The following FBXO34 variants were observed in gnomAD, a reference collection of about 807,000 sequenced individuals.
FBXO34 encodes the protein F-box protein 34.
A neutral mutation model predicts 24.5 loss-of-function variants in FBXO34; 12 were observed. The ratio of observed to expected loss-of-function variants is 0.49; its 90% CI spans 0.31 to 0.79. FBXO34 has a LOEUF of 0.79. FBXO34 is among the 30% of genes least tolerant of loss of function. The pLI is 0.04. For synonymous variants in FBXO34, 320 were observed against 311.9 expected (o/e 1.03, Z -0.27); for missense variants, 823 against 857.7 (o/e 0.96, Z 0.51).
At chr14:55,392,981 C>G in the FBXO34 span, among the ~76,000 whole-genome samples, 1 of 152,120 alleles carries the variant, frequency 6.6e-6, no homozygotes, top group Non-Finnish European at 1.5e-5. Context: ...GATAGAAAAA[C>G]TAGAAACATT....
At chr14:55,298,946 C>G (rs1882241986) in intron 1 of FBXO34, 4 of 1,583,284 alleles carry the variant, frequency 2.5e-6, no homozygotes, top group Non-Finnish European at 3.5e-6. Flanking sequence ...GCTCTGCAGC[C>G]AAGGCCAAGA....
the FBXO34 span, among the ~76,000 whole-genome samples, chr14:55,386,384 C>T: frequency 7.2e-5 from 11 of 152,180 alleles, no homozygotes; most frequent in Non-Finnish European, 1.5e-4. Context: ...ACAGGAAGGA[C>T]CTGATTTTCC....
the FBXO34 span, among the ~76,000 whole-genome samples, chr14:55,434,926 C>T: frequency 6.6e-6 from 1 of 151,920 alleles, no homozygotes; most frequent in Non-Finnish European, 1.5e-5. Context: ...TCTTACTCAT[C>T]TTTGTACTCC....
At chr14:55,401,023 A>C in the FBXO34 span, among the ~76,000 whole-genome samples, 4 of 152,096 alleles carry the variant, frequency 2.6e-5, no homozygotes, top group African/African-American at 9.7e-5. Flanking sequence ...CCTCTAAAAC[A>C]CTTTATACAG....
the FBXO34 span, among the ~76,000 whole-genome samples, chr14:55,380,092 A>T: frequency 6.6e-6 from 1 of 152,152 alleles, no homozygotes; most frequent in Non-Finnish European, 1.5e-5. Context: ...TCCTAGAAAT[A>T]CAAAAATTAG....
At chr14:55,394,980 TCTC>T in the FBXO34 span, 1 of 435,252 alleles carries the variant, frequency 2.3e-6, no homozygotes, top group Non-Finnish European at 4.6e-6. Context: ...TCAAAGGGGC[TCTC>T]CTCAGTTTTA....
the FBXO34 span, among the ~76,000 whole-genome samples, chr14:55,391,860 T>G: frequency 1.3e-5 from 2 of 152,202 alleles, no homozygotes; most frequent in East Asian, 3.8e-4. Context: ...ACTTGCAAGT[T>G]AATAAAAATG....
intron 1 of FBXO34, among the ~76,000 whole-genome samples, chr14:55,316,369 T>C (rs1432687348): frequency 6.6e-6 from 1 of 151,764 alleles, no homozygotes; most frequent in Non-Finnish European, 1.5e-5. Context: ...GGTCTATTGC[T>C]TGAGCTCAGG....
At chr14:55,347,917 A>T (rs1257091956) in intron 1 of FBXO34, among the ~76,000 whole-genome samples, 8 of 152,222 alleles carry the variant, frequency 5.3e-5, no homozygotes, top group Non-Finnish European at 8.8e-5. Context: ...GGGTTTTTCA[A>T]CACTTCCATT....
downstream of FBXO34, among the ~76,000 whole-genome samples, chr14:55,370,998 C>A (rs1884804415): frequency 6.6e-6 from 1 of 152,114 alleles, no homozygotes; most frequent in Non-Finnish European, 1.5e-5. Context: ...TGCTCCAGGG[C>A]AGCCAGGCTG....
the FBXO34 span, among the ~76,000 whole-genome samples, chr14:55,394,365 T>A: frequency 1.3e-5 from 2 of 152,324 alleles, no homozygotes; most frequent in Non-Finnish European, 2.9e-5. Flanking sequence ...CACAGACATT[T>A]CAATTTGTAC....
intron 1 of FBXO34, among the ~76,000 whole-genome samples, chr14:55,338,806 T>C (rs1357737267): frequency 1.3e-5 from 2 of 151,674 alleles, no homozygotes; most frequent in Non-Finnish European, 2.9e-5. Flanking sequence ...CTCGGGAGGC[T>C]GAGGCAGGAG....
At chr14:55,390,919 A>G in the FBXO34 span, 1 of 1,592,876 alleles carries the variant, frequency 6.3e-7, no homozygotes. Flanking sequence ...ACTTTTCTCC[A>G]TTTCTTCATT....
At chr14:55,317,693 C>T (rs925968145) in intron 1 of FBXO34, among the ~76,000 whole-genome samples, 2 of 152,042 alleles carry the variant, frequency 1.3e-5, no homozygotes, top group Non-Finnish European at 1.5e-5. Context: ...ATATTTATAC[C>T]GCAGAATCAG....
chr14:55,335,693 A>G (rs1270916990), intron 1 of FBXO34, among the ~76,000 whole-genome samples: 1 of 152,216 alleles, frequency 6.6e-6, no homozygotes, highest in Non-Finnish European at 1.5e-5. Flanking sequence ...ATGAACTGCC[A>G]TTTGTATAAT....
chr14:55,438,691 G>A, the FBXO34 span: 1 of 152,042 alleles, frequency 6.6e-6, no homozygotes, highest in Non-Finnish European at 1.5e-5. Context: ...CTCCCTGCAG[G>A]GTCTGCCTGT....
chr14:55,381,838 G>T, the FBXO34 span: 2 of 744,376 alleles, frequency 2.7e-6, no homozygotes, highest in Non-Finnish European at 4.4e-6. Context: ...GGTGATGGGA[G>T]CACAGTGCTG....
intron 1 of FBXO34, among the ~76,000 whole-genome samples, chr14:55,338,366 T>C (rs1187280482): frequency 6.6e-6 from 1 of 151,978 alleles, no homozygotes; most frequent in Admixed American, 6.6e-5. Context: ...ACTTCTTTTA[T>C]GGGTATTGTG....
chr14:55,350,548 T>C lies in FBXO34; in HGVS notation c.158T>C (p.Leu53Pro), dbSNP rs763316516. 8 of 1,613,410 alleles carry C rather than the reference T, an allele frequency of 5.0e-6. No homozygotes were observed. Among genetic ancestry groups the C allele is most frequent in the Middle Eastern group, 3.3e-4 (2 of 6,046 alleles). ...ITSSVFPSAS[L>P]GKASSRKPFG... ...TCAAGTGTCTTTCCTTCAGCCTCTC[T>C]CGGTAAAGCATCATCTCGAAAGCCA... Residue 53 changes from leucine to proline, a missense_variant, in exon 2 of 2, where the codon CTC becomes CCC. Physicochemically the swap from Leu to Pro is moderately conservative, Grantham distance 98 (BLOSUM62 -3). This residue lies in a region of FBXO34 where 693 missense variants were observed against 659.1 expected (regional missense o/e 1.05). Transcript: ENST00000313833.
Sources: gnomAD v4.1 joint callset for allele counts (sites outside exome capture counted in the v4.1 genomes callset) on GRCh38, gnomAD v4.1.1 for gene constraint, gnomAD v4.1.1 regional missense constraint, MANE v1.5 for transcripts, NCBI Gene and HGNC (gene_info 2026-07-23, HGNC 2026-07-21) for gene names.